The following PDE1A variants were observed in gnomAD, a reference collection of about 807,000 sequenced individuals.
The protein encoded by PDE1A is phosphodiesterase 1A.
Under a neutral mutation model 61.7 loss-of-function variants are expected in PDE1A, and 35 were observed. The ratio of observed to expected loss-of-function variants is 0.57; its 90% confidence interval spans 0.43 to 0.75. The LOEUF is 0.75. Among genes scored for constraint, PDE1A ranks in the 30% least tolerant of loss-of-function variants. The pLI is 0.00. For synonymous variants in PDE1A, 232 were observed against 213.2 expected (o/e 1.09, Z -0.77); for missense variants, 597 against 630.6 (o/e 0.95, Z 0.57).
the PDE1A span, among the ~76,000 whole-genome samples, chr2:182,564,952 G>T: frequency 5.3e-5 from 8 of 152,006 alleles, no homozygotes; most frequent in East Asian, 5.8e-4. Context: ...TTATACATTC[G>T]TCTAAATTTT....
intron 1 of PDE1A, among the ~76,000 whole-genome samples, chr2:182,401,295 C>G (rs1701985747): frequency 6.6e-6 from 1 of 152,160 alleles, no homozygotes; most frequent in Non-Finnish European, 1.5e-5. Flanking sequence ...CAAACCGAAT[C>G]CAGCAGACGT....
the PDE1A span, among the ~76,000 whole-genome samples, chr2:182,590,020 T>C: frequency 6.6e-6 from 1 of 152,240 alleles, no homozygotes; most frequent in Non-Finnish European, 1.5e-5. Flanking sequence ...TTAAGCAATA[T>C]GTACAAACCA....
the PDE1A span, among the ~76,000 whole-genome samples, chr2:182,569,637 C>A: frequency 2.6e-5 from 4 of 152,158 alleles, no homozygotes; most frequent in Admixed American, 6.6e-5. Flanking sequence ...CTTTGATTAA[C>A]CTGGTTTCAA....
intron 2 of PDE1A, among the ~76,000 whole-genome samples, chr2:182,471,501 A>C (rs1476257543): frequency 6.6e-6 from 1 of 151,776 alleles, no homozygotes; most frequent in African/African-American, 2.4e-5. Flanking sequence ...GTAGGATAGA[A>C]GGTAAGGTAA....
At chr2:182,385,940 G>A (rs536568790) in intron 1 of PDE1A, among the ~76,000 whole-genome samples, 113 of 152,040 alleles carry the variant, frequency 7.4e-4, no homozygotes, top group East Asian at 3.9e-3. Context: ...CTGCCATCTC[G>A]GCTCACTGCA....
intron 2 of PDE1A, among the ~76,000 whole-genome samples, chr2:182,263,108 G>T (rs1192903347): frequency 2.0e-5 from 3 of 152,110 alleles, no homozygotes; most frequent in Non-Finnish European, 2.9e-5. Flanking sequence ...GACAGGCATG[G>T]ACTCCTGCTG....
At chr2:182,552,708 T>C in the PDE1A span, among the ~76,000 whole-genome samples, 1 of 152,108 alleles carries the variant, frequency 6.6e-6, no homozygotes, top group African/African-American at 2.4e-5. Flanking sequence ...CAATCATCTA[T>C]TGCCTGAGAG....
chr2:182,461,135 G>T lies in PDE1A; in HGVS notation c.101+61141C>A, dbSNP rs1384989667. Among the ~76,000 whole-genome samples, 6 of 152,228 alleles carry T rather than the reference G, an allele frequency of 3.9e-5. No individual in the cohort carries two copies. In the East Asian group the frequency reaches 1.2e-3, roughly 29 times the overall value. ...GGAATCTTTTTCTCATGAAGTGTTT[G>T]TGAGCCTGGAGTTCTGAGGTGTATT... is the stretch of plus-strand genomic sequence containing the variant. On this transcript the variant is annotated intron_variant, in intron 2 of 14. Coordinates refer to the PDE1A transcript ENST00000410103.
chr2:182,247,368 A>T (rs1446352443), intron 2 of PDE1A, among the ~76,000 whole-genome samples: 1 of 152,228 alleles, frequency 6.6e-6, no homozygotes, highest in Non-Finnish European at 1.5e-5. Context: ...GAAACTTCTA[A>T]TGAAGACATA....
chr2:182,225,513 G>GT (rs1313253718), intron 6 of PDE1A, among the ~76,000 whole-genome samples: 1 of 151,870 alleles, frequency 6.6e-6, no homozygotes, highest in Non-Finnish European at 1.5e-5. Context: ...TTAAATTGTA[G>GT]TTTTGCATTA....
chr2:182,325,861 G>T (rs140297066), intron 1 of PDE1A, among the ~76,000 whole-genome samples: 2,181 of 152,288 alleles, frequency 0.014, 29 homozygotes, highest in Non-Finnish European at 0.024. Flanking sequence ...AGAGATTGCA[G>T]TGAGTTGAGA....
At chr2:182,278,630 A>G (rs1693600172) in intron 1 of PDE1A, among the ~76,000 whole-genome samples, 2 of 151,998 alleles carry the variant, frequency 1.3e-5, no homozygotes, top group Admixed American at 1.3e-4. Context: ...TCAAAATTAC[A>G]TGGATACTTA....
intron 2 of PDE1A, among the ~76,000 whole-genome samples, chr2:182,503,892 C>T (rs74498505): frequency 7.2e-5 from 11 of 152,008 alleles, no homozygotes; most frequent in Non-Finnish European, 1.0e-4. Context: ...ACTCTCCATG[C>T]GCCAGTGAAT....
At chr2:182,310,881 A>T (rs1695921389) in intron 1 of PDE1A, among the ~76,000 whole-genome samples, 1 of 152,216 alleles carries the variant, frequency 6.6e-6, no homozygotes, top group African/African-American at 2.4e-5. Flanking sequence ...TGGCCAATAG[A>T]GTGCAGGCAG....
At chr2:182,636,603 T>C in the PDE1A span, among the ~76,000 whole-genome samples, 1 of 152,238 alleles carries the variant, frequency 6.6e-6, no homozygotes, top group Non-Finnish European at 1.5e-5. Flanking sequence ...CATCAGTACA[T>C]GTATTCCCTA....
intron 2 of PDE1A, among the ~76,000 whole-genome samples, chr2:182,462,138 C>T (rs1403228857): frequency 6.6e-6 from 1 of 151,624 alleles, no homozygotes; most frequent in Non-Finnish European, 1.5e-5. Flanking sequence ...GGGAACATCA[C>T]ACACCGGGGC....
At chr2:182,391,518 A>G (rs1022680761) in intron 1 of PDE1A, among the ~76,000 whole-genome samples, 4 of 152,200 alleles carry the variant, frequency 2.6e-5, no homozygotes, top group Non-Finnish European at 4.4e-5. Context: ...AGGGTCCAGA[A>G]GACATACCCT....
chr2:182,309,987 G>C (rs1455361601), intron 1 of PDE1A, among the ~76,000 whole-genome samples: 1 of 152,082 alleles, frequency 6.6e-6, no homozygotes, highest in East Asian at 1.9e-4. Flanking sequence ...GTGACTAGTT[G>C]GCAGACAGCC....
chr2:182,192,385 A>C (rs569361061), intron 10 of PDE1A, among the ~76,000 whole-genome samples: 1 of 152,066 alleles, frequency 6.6e-6, no homozygotes, highest in Non-Finnish European at 1.5e-5. Flanking sequence ...TAAATATTTC[A>C]AAGTATTATT....
Sources: gnomAD v4.1 joint callset for allele counts (sites outside exome capture counted in the v4.1 genomes callset) on GRCh38, gnomAD v4.1.1 for gene constraint, MANE v1.5 for transcripts, NCBI Gene and HGNC (gene_info 2026-07-23, HGNC 2026-07-21) for gene names.